Variants in PCDHA6 observed in about 807,000 individuals in gnomAD.
PCDHA6 encodes protocadherin alpha 6.
In PCDHA6, 55 loss-of-function variants were observed where a neutral mutation model predicts 60.3. That is an observed-to-expected ratio of 0.91 (90% CI 0.73 to 1.14). The LOEUF (loss-of-function observed/expected upper bound fraction) is 1.14, where lower values mean the gene tolerates loss of function less well. Among genes scored for constraint, PCDHA6 ranks in the 50% most tolerant of loss-of-function variants. The probability of loss-of-function intolerance (pLI) is 0.00; values close to 1 mark genes in which losing one functional copy is unlikely to be tolerated. For missense variants in PCDHA6, 1,327 were observed against 1,256.5 expected, an observed-to-expected ratio of 1.06 and a Z score of -0.85; for synonymous variants, 652 against 557.9, an observed-to-expected ratio of 1.17 and a Z score of -2.38.
At position 141,009,772 on chromosome 5, in the gene PCDHA6, C is replaced by G. The variant is rs782009776; in HGVS notation, c.2688C>G (p.Ile896Met). Residue 896 changes from isoleucine (I) to methionine (M), a missense_variant, in exon 4 of 4, where the codon ATC becomes ATG. By Grantham distance (10) the Ile-to-Met change is conservative (BLOSUM62 1). Transcript: ENST00000529310. ...TCATTATCCCAGGATCTCCTGCAAT[C>G]ATCTCCATCCGGCAGGAGCCTACTA... ...DKFIIPGSPA[I>M]ISIRQEPTNS... 4 of 1,614,158 alleles carry G rather than the reference C, an allele frequency of 2.5e-6. No individual in the cohort carries two copies. The East Asian group carries it at 8.9e-5, about 36-fold the overall frequency.
intron 1 of PCDHA6, among the ~76,000 whole-genome samples, chr5:140,945,682 G>GT (rs1325077083): frequency 6.6e-6 from 1 of 152,010 alleles, no homozygotes; most frequent in African/African-American, 2.4e-5. Context: ...AATCCACACA[G>GT]TTACTGTCCA....
intron 1 of PCDHA6, chr5:140,927,524 C>G (rs781824669): frequency 1.2e-6 from 2 of 1,614,104 alleles, no homozygotes; most frequent in Admixed American, 1.7e-5. Flanking sequence ...GGCGGGCTAC[C>G]TGCCCGCTCA....
intron 1 of PCDHA6, among the ~76,000 whole-genome samples, chr5:140,935,985 C>T (rs155825): frequency 0.32 from 47,782 of 150,880 alleles, 7,901 homozygotes; most frequent in East Asian, 0.53. Context: ...CTCTGCCTCC[C>T]GGGTTCAAGC....
At chr5:140,862,509 T>C in intron 1 of PCDHA6, 1 of 405,718 alleles carries the variant, frequency 2.5e-6, no homozygotes, top group Non-Finnish European at 5.0e-6. Context: ...GGGGACTCGC[T>C]TTCATTGTTG....
intron 1 of PCDHA6, among the ~76,000 whole-genome samples, chr5:140,904,496 A>G (rs1174844806): frequency 1.3e-5 from 2 of 151,832 alleles, no homozygotes; most frequent in Non-Finnish European, 2.9e-5. Context: ...CCAAATTTTT[A>G]CAATTGTGAA....
At chr5:140,843,585 C>A in intron 1 of PCDHA6, 2 of 1,596,014 alleles carry the variant, frequency 1.3e-6, no homozygotes, top group East Asian at 2.2e-5. Context: ...CAACAACAGC[C>A]GCAGAGGGTG....
At chr5:140,834,093 G>A (rs1772786951) in intron 1 of PCDHA6, among the ~76,000 whole-genome samples, 1 of 152,132 alleles carries the variant, frequency 6.6e-6, no homozygotes, top group Non-Finnish European at 1.5e-5. Flanking sequence ...TAACAACAAT[G>A]AAGAAAAAAA....
intron 1 of PCDHA6, chr5:140,870,238 G>A: frequency 6.2e-7 from 1 of 1,614,162 alleles, no homozygotes; most frequent in Non-Finnish European, 8.5e-7. Context: ...CCGTGACTCA[G>A]GTGTCAACGG....
intron 1 of PCDHA6, among the ~76,000 whole-genome samples, chr5:140,872,145 G>A (rs2053502547): frequency 6.6e-6 from 1 of 151,676 alleles, no homozygotes; most frequent in Non-Finnish European, 1.5e-5. Context: ...TACTCCATTA[G>A]TATGACATGA....
At position 140,906,523 on chromosome 5, in the gene PCDHA6, C is replaced by T. The variant is rs145617697; in HGVS notation, c.2395-72426C>T. Among the ~76,000 whole-genome samples, 1,221 of 152,284 alleles carry T rather than the reference C, an allele frequency of 8.0e-3. 6 individuals are homozygous for T. The highest frequency in any genetic ancestry group is 0.019 in the African/African-American group (786 of 41,540). On this transcript the variant is annotated intron_variant, in intron 1 of 3. Transcript: ENST00000529310. ...TTAACAAAGAAGGAGGAAATACTCA[C>T]GACAATTAAAATCCTCATTTCTGCA...
intron 3 of PCDHA6, among the ~76,000 whole-genome samples, chr5:140,989,984 C>T (rs907486922): frequency 3.3e-5 from 5 of 152,032 alleles, no homozygotes; most frequent in African/African-American, 1.2e-4. Context: ...ACAGCCCTGC[C>T]TGAAATTGTC....
In PCDHA6 at chr5:140,852,902, A is replaced by ATG. The variant is rs1554146177; in HGVS notation, c.2394+22417_2394+22418insTG. The stretch of plus-strand genomic sequence containing the variant: ...TAAAACGTATTTTTTTTTTTGAGTC[A>ATG]GAGTCTCGCTCTGTTGCCCAGGCTG... On this transcript the variant is annotated intron_variant, in intron 1 of 3. Transcript: ENST00000529310. 5.3e-4 allele frequency: 438 copies of ATG among 830,724 alleles called. 11 individuals carry two copies. In the South Asian group the frequency reaches 0.021, roughly 39 times the overall value. 51.5% of individuals were successfully genotyped at this position (830,724 alleles called of 1,614,324 possible).
intron 1 of PCDHA6, chr5:140,849,742 A>G: frequency 6.3e-7 from 1 of 1,598,398 alleles, no homozygotes; most frequent in South Asian, 1.1e-5. Context: ...CTGGACCGCG[A>G]GAGTGTGTCC....
intron 1 of PCDHA6, chr5:140,869,566 G>A (rs782325882): frequency 1.9e-6 from 3 of 1,614,178 alleles, no homozygotes; most frequent in East Asian, 4.5e-5. Flanking sequence ...TTTTCCACTA[G>A]AGGGAGCTTC....
chr5:140,851,867 A>T, intron 1 of PCDHA6: 2 of 977,010 alleles, frequency 2.0e-6, no homozygotes, highest in South Asian at 9.5e-5. Context: ...CATACATAAC[A>T]CAAGGCAGAA....
At chr5:140,850,300 G>T in intron 1 of PCDHA6, 2 of 1,596,680 alleles carry the variant, frequency 1.3e-6, no homozygotes, top group Non-Finnish European at 1.7e-6. Context: ...GCCGACTCGG[G>T]CTACAACGCG....
At chr5:140,991,740 GCT>G (rs1175946938) in intron 3 of PCDHA6, among the ~76,000 whole-genome samples, 3 of 152,200 alleles carry the variant, frequency 2.0e-5, no homozygotes, top group African/African-American at 7.2e-5. Context: ...GGTAATGTAG[GCT>G]CTTTCTATCA....
intron 1 of PCDHA6, among the ~76,000 whole-genome samples, chr5:140,919,944 A>T (rs1554199311): frequency 6.6e-6 from 1 of 151,622 alleles, no homozygotes; most frequent in Non-Finnish European, 1.5e-5. Flanking sequence ...AATTCCAGTG[A>T]AAAGTTTGTT....
rs139717033 is a variant in PCDHA6 at position 140,850,329 on chromosome 5, C to A, written c.2394+19844C>A. ...CAACGCGTGGCTTTCATACGAGCTG[C>A]AGCCAGAAACGGCCAGCGCGAGCAT... On this transcript the variant is annotated intron_variant, in intron 1 of 3. Coordinates refer to ENST00000529310, the MANE Select transcript of PCDHA6 (RefSeq NM_018909.4). 510 of 1,597,650 alleles carry A rather than the reference C, an allele frequency of 3.2e-4. 26 individuals are homozygous for A. The African/African-American group carries it at 6.2e-3, about 19-fold the overall frequency.
Sources: gnomAD v4.1 joint callset for allele counts (sites outside exome capture counted in the v4.1 genomes callset) on GRCh38, gnomAD v4.1.1 for gene constraint, MANE v1.5 for transcripts, NCBI Gene and HGNC (gene_info 2026-07-23, HGNC 2026-07-21) for gene names.